The following DOCK2 variants were observed in gnomAD, a reference collection of about 807,000 sequenced individuals.
DOCK2 encodes the protein dedicator of cytokinesis 2.
A neutral mutation model predicts 248.9 loss-of-function variants in DOCK2; 87 were observed. The observed-to-expected ratio is 0.35, with a 90% CI of 0.29 to 0.42. DOCK2 has a LOEUF of 0.42. Ranked by LOEUF, DOCK2 falls within the 10% of genes least tolerant of loss-of-function variation. DOCK2 has a pLI of 1.00. For synonymous variants in DOCK2, 805 were observed against 821.6 expected (o/e 0.98, Z 0.35); for missense variants, 1,747 against 2,300.2 (o/e 0.76, Z 4.92).
intron 27 of DOCK2, among the ~76,000 whole-genome samples, chr5:169,866,317 A>G (rs981665087): frequency 3.3e-5 from 5 of 152,176 alleles, no homozygotes; most frequent in African/African-American, 1.2e-4. Flanking sequence ...TGTATTGTGG[A>G]TGAAACATAG....
At chr5:169,900,456 A>G (rs1320788558) in intron 27 of DOCK2, among the ~76,000 whole-genome samples, 1 of 152,200 alleles carries the variant, frequency 6.6e-6, no homozygotes, top group Non-Finnish European at 1.5e-5. Flanking sequence ...AAATGTCAGG[A>G]GAAGACTGGC....
Position 169,670,501 on chromosome 5 carries a change from T to TTTTTATTTTA in DOCK2, c.169-36_169-27dup, listed in dbSNP as rs111473735. The stretch of plus-strand genomic sequence containing the variant: ...TCATTCATTTCTGTGGTGATATATC[T>TTTTTATTTTA]TTTTATTTTATTTTGTTTTGTTTTG... On this transcript the variant is annotated intron_variant, in intron 3 of 51. Coordinates refer to ENST00000520908, the MANE Select transcript of DOCK2 (RefSeq NM_004946.3). The TTTTTATTTTA allele has an allele frequency of 5.9e-4, 941 of 1,596,998 alleles. 4 individuals carry two copies. In the African/African-American group the frequency reaches 0.01, roughly 18 times the overall value.
At chr5:169,710,514 C>T (rs1761516657) in intron 15 of DOCK2, among the ~76,000 whole-genome samples, 1 of 152,184 alleles carries the variant, frequency 6.6e-6, no homozygotes, top group Non-Finnish European at 1.5e-5. Flanking sequence ...ATTACATTAC[C>T]AGATCGTCAC....
intron 6 of DOCK2, among the ~76,000 whole-genome samples, chr5:169,678,543 A>G (rs981602916): frequency 2.0e-5 from 3 of 152,210 alleles, no homozygotes; most frequent in Non-Finnish European, 2.9e-5. Context: ...GATTACAGTC[A>G]TAAGCCACCG....
At chr5:169,785,211 A>G (rs1276489113) in intron 25 of DOCK2, among the ~76,000 whole-genome samples, 4 of 152,198 alleles carry the variant, frequency 2.6e-5, no homozygotes, top group African/African-American at 9.6e-5. Context: ...AGTTTTGTTT[A>G]TATTTTACGT....
chr5:169,902,175 G>A (rs1773965226), intron 27 of DOCK2, among the ~76,000 whole-genome samples: 1 of 152,224 alleles, frequency 6.6e-6, no homozygotes, highest in Admixed American at 6.5e-5. Context: ...AAGTCCAGGA[G>A]GGGAATAACC....
At chr5:169,878,019 G>A (rs1772427746) in intron 27 of DOCK2, among the ~76,000 whole-genome samples, 1 of 152,168 alleles carries the variant, frequency 6.6e-6, no homozygotes, top group Admixed American at 6.5e-5. Context: ...CTGAAACCAA[G>A]CAGTTTTTTC....
chr5:170,019,176 C>A, intron 33 of DOCK2, 68 bp downstream of exon 33: 1 of 1,604,894 alleles, frequency 6.2e-7, no homozygotes, highest in Non-Finnish European at 8.5e-7. Context: ...ATAATGATAT[C>A]CTCATTCCAT....
At chr5:169,803,365 T>C (rs1767118881) in intron 26 of DOCK2, among the ~76,000 whole-genome samples, 159 bp downstream of exon 26, 1 of 152,216 alleles carries the variant, frequency 6.6e-6, no homozygotes, top group Non-Finnish European at 1.5e-5. Context: ...CCCCCATTGC[T>C]GTGAAGGATG....
rs536582787 is a variant in DOCK2 at position 169,917,617 on chromosome 5, T to G, written c.2800-65451T>G. On this transcript the variant is annotated intron_variant, in intron 27 of 51. Coordinates refer to ENST00000520908, the MANE Select transcript of DOCK2 (RefSeq NM_004946.3). ...TTTCTAATCGATTGCTTGCTGTTTT[T>G]TGGTGATTGCGAAACACTAGAAAGT... Among the ~76,000 whole-genome samples the G allele has an allele frequency of 2.6e-5, 4 of 152,318 alleles. No individual in the cohort carries two copies. In the East Asian group the frequency reaches 7.7e-4, roughly 29 times the overall value.
chr5:169,929,775 A>AG (rs1561832412), intron 27 of DOCK2, among the ~76,000 whole-genome samples: 31 of 148,554 alleles, frequency 2.1e-4, no homozygotes, highest in South Asian at 2.1e-4. Flanking sequence ...GAGAGAGAGA[A>AG]AGAAGCTATC....
chr5:169,718,974 GA>G (rs1196471995), intron 22 of DOCK2, among the ~76,000 whole-genome samples, 183 bp downstream of exon 22: 1 of 151,888 alleles, frequency 6.6e-6, no homozygotes, highest in Non-Finnish European at 1.5e-5. Flanking sequence ...GTTCATTTGG[GA>G]AAAAAAAGAA....
chr5:169,695,873 T>C lies in DOCK2; in HGVS notation c.914T>C (p.Met305Thr). 1 of 1,614,036 alleles carries C rather than the reference T, an allele frequency of 6.2e-7. No individual in the cohort carries two copies. Among genetic ancestry groups the C allele is most frequent in the Non-Finnish European group, 8.5e-7 (1 of 1,179,972 alleles). The change falls in exon 10 of 52, where the codon ATG (methionine) becomes ACG (threonine). Residue 305 changes from methionine to threonine, a missense_variant. Transcript: ENST00000520908. ...TGTCAAATAGTCCGGGTCGGCAAGA[T>C]GGATCTTAAGGATACTGGTGCAAAG... Reference protein sequence around the residue: ...LICQIVRVGKMDLKDTGAKKC... With the variant: ...LICQIVRVGKTDLKDTGAKKC...
intron 27 of DOCK2, among the ~76,000 whole-genome samples, chr5:169,895,710 A>G (rs1305486105): frequency 6.6e-6 from 1 of 152,024 alleles, no homozygotes; most frequent in Non-Finnish European, 1.5e-5. Flanking sequence ...GACTTGGCAA[A>G]GCCTTTCTCT....
chr5:170,069,787 G>A (rs975170780), intron 46 of DOCK2, among the ~76,000 whole-genome samples: 2 of 152,232 alleles, frequency 1.3e-5, no homozygotes, highest in East Asian at 3.9e-4. Context: ...GCTGTTTCGG[G>A]CTGGCCACTT....
rs61360662 is a variant in DOCK2 at position 169,976,023 on chromosome 5, C to T, written c.2800-7045C>T. The stretch of plus-strand genomic sequence containing the variant: ...CTTTCATTTCTGGCCTCTCCTAAGG[C>T]AAAGGTAGTCAACACAGGACCCTAA... On this transcript the variant is annotated intron_variant, in intron 27 of 51. Coordinates refer to ENST00000520908, the MANE Select transcript of DOCK2 (RefSeq NM_004946.3). 1.9e-3 allele frequency among the ~76,000 whole-genome samples: 293 copies of T among 152,300 alleles called. 1 individual carries two copies. The highest frequency in any genetic ancestry group is 6.5e-3 in the African/African-American group (271 of 41,558).
At chr5:169,683,771 T>C (rs1303121489) in intron 7 of DOCK2, among the ~76,000 whole-genome samples, 2 of 152,228 alleles carry the variant, frequency 1.3e-5, no homozygotes, top group Non-Finnish European at 2.9e-5. Flanking sequence ...CCCATTTTAA[T>C]TGGGTTATTT....
intron 22 of DOCK2, among the ~76,000 whole-genome samples, chr5:169,722,417 G>A (rs1036142019): frequency 3.9e-5 from 6 of 152,200 alleles, no homozygotes; most frequent in African/African-American, 7.2e-5. Flanking sequence ...GCTGCAACAG[G>A]AGTTGCTCCC....
chr5:169,741,958 C>T (rs1170013352), intron 22 of DOCK2, among the ~76,000 whole-genome samples: 1 of 151,964 alleles, frequency 6.6e-6, no homozygotes. Flanking sequence ...TACAGGCGCC[C>T]ACCACCCTGC....
Sources: gnomAD v4.1 joint callset for allele counts (sites outside exome capture counted in the v4.1 genomes callset) on GRCh38, gnomAD v4.1.1 for gene constraint, MANE v1.5 for transcripts, NCBI Gene and HGNC (gene_info 2026-07-23, HGNC 2026-07-21) for gene names.